Variants in FAM53A observed in about 807,000 individuals in gnomAD.
The protein encoded by FAM53A is family with sequence similarity 53 member A, also known as protein FAM53A.
FAM53A carries 28 observed loss-of-function variants against 26.6 expected under a neutral mutation model. The observed-to-expected ratio is 1.05, with a 90% CI of 0.78 to 1.45. The LOEUF (loss-of-function observed/expected upper bound fraction) is 1.45, where lower values mean the gene tolerates loss of function less well. FAM53A is among the 40% of genes most tolerant of loss of function. The pLI is 0.00. For synonymous variants in FAM53A, 290 were observed against 253.1 expected, an observed-to-expected ratio of 1.15 and a Z score of -1.38; for missense variants, 650 against 575.8, an observed-to-expected ratio of 1.13 and a Z score of -1.32.
chr4:1,624,034 C>T (rs1262067167), intron 1 of FAM53A, among the ~76,000 whole-genome samples: 4 of 152,188 alleles, frequency 2.6e-5, no homozygotes, highest in Admixed American at 1.3e-4. Context: ...TCCCGTCCCA[C>T]ATTTCTGGGC....
downstream of FAM53A, among the ~76,000 whole-genome samples, chr4:1,638,618 A>C (rs1715955769): frequency 6.6e-6 from 1 of 152,206 alleles, no homozygotes; most frequent in African/African-American, 2.4e-5. Context: ...GGAAGGTGGC[A>C]AGTCCAAGGG....
intron 1 of FAM53A, among the ~76,000 whole-genome samples, chr4:1,623,929 G>A (rs917251385): frequency 6.6e-6 from 1 of 152,208 alleles, no homozygotes; most frequent in South Asian, 2.1e-4. Context: ...ACAGCCCCCA[G>A]GCCAGGAGAT....
rs538778135 is a variant in FAM53A, at chr4:1,630,277, C to T, written c.432-12166G>A. On this transcript the variant is annotated intron_variant, in intron 1 of 1. Transcript: ENST00000489029. This position sits in a 1 kb window ranked among gnomAD's most constrained non-coding sequence, Gnocchi z 4.3. Reference sequence around the variant, plus strand: ...GAGACACCCTGTCCTCTGAGCTGCCCGTGACCAGGGGGTCAGAGCCCACCT... The same window carrying T: ...GAGACACCCTGTCCTCTGAGCTGCCTGTGACCAGGGGGTCAGAGCCCACCT... Among the ~76,000 whole-genome samples, 4 of 152,334 alleles carry T rather than the reference C, an allele frequency of 2.6e-5. No homozygotes were observed. The highest frequency in any genetic ancestry group is 9.6e-5 in the African/African-American group (4 of 41,574).
chr4:1,624,508 G>A (rs1028741318), intron 1 of FAM53A, among the ~76,000 whole-genome samples: 8 of 152,318 alleles, frequency 5.3e-5, no homozygotes, highest in Non-Finnish European at 8.8e-5. Context: ...GACGGCAGGG[G>A]TGACTGCGCA....
chr4:1,681,168 C>G (rs1379397358), intron 1 of FAM53A, among the ~76,000 whole-genome samples: 1 of 152,168 alleles, frequency 6.6e-6, no homozygotes, highest in African/African-American at 2.4e-5. Context: ...GCGATCTCAG[C>G]TCACTGCAAC....
At chr4:1,577,183 G>A in the FAM53A span, among the ~76,000 whole-genome samples, 2 of 152,308 alleles carry the variant, frequency 1.3e-5, no homozygotes, top group African/African-American at 4.8e-5. Flanking sequence ...CAGGACATTG[G>A]CCAGGCACAC....
chr4:1,613,923 G>A (rs144068013), downstream of FAM53A, among the ~76,000 whole-genome samples: 54 of 152,350 alleles, frequency 3.5e-4, no homozygotes, highest in East Asian at 9.6e-3. Context: ...AAGAGGGAGA[G>A]GCTGGGATCA....
chr4:1,587,377 C>T, the FAM53A span, among the ~76,000 whole-genome samples: 1 of 152,116 alleles, frequency 6.6e-6, no homozygotes, highest in Non-Finnish European at 1.5e-5. Flanking sequence ...TTTTTAAAAC[C>T]TCTTCCCTTT....
intron 1 of FAM53A, among the ~76,000 whole-genome samples, chr4:1,621,002 G>A (rs896578199): frequency 4.0e-5 from 6 of 151,788 alleles, no homozygotes; most frequent in Non-Finnish European, 8.8e-5. Flanking sequence ...GGTTCAAATG[G>A]CTGCCAGAGC....
chr4:1,653,482 A>G (rs12640301), intron 4 of FAM53A, among the ~76,000 whole-genome samples: 48,232 of 151,952 alleles, frequency 0.32, 7,971 homozygotes, highest in Middle Eastern at 0.51. Flanking sequence ...CTCTGCTCCC[A>G]TCCCTCCTGG....
chr4:1,595,775 C>T, the FAM53A span, among the ~76,000 whole-genome samples: 7 of 152,200 alleles, frequency 4.6e-5, no homozygotes, highest in African/African-American at 1.4e-4. Context: ...GTCCAGGCAC[C>T]AGCTCTGATG....
At chr4:1,678,543 C>T (rs546767243) in intron 1 of FAM53A, among the ~76,000 whole-genome samples, 1 of 152,238 alleles carries the variant, frequency 6.6e-6, no homozygotes, top group Non-Finnish European at 1.5e-5. Flanking sequence ...GACATGAGGC[C>T]GGGTGCGGTG....
At chr4:1,629,416 T>C (rs1289475605) in intron 1 of FAM53A, among the ~76,000 whole-genome samples, 2 of 152,184 alleles carry the variant, frequency 1.3e-5, no homozygotes, top group South Asian at 2.1e-4. Flanking sequence ...AGGACCCCTC[T>C]AGGGTGGCCC....
At chr4:1,660,450 A>T (rs1172529394) in intron 2 of FAM53A, among the ~76,000 whole-genome samples, 1 of 151,814 alleles carries the variant, frequency 6.6e-6, no homozygotes, top group African/African-American at 2.4e-5. Context: ...AAAAGCAGAT[A>T]TGATGGCATG....
rs530756256 is a variant in FAM53A at position 1,634,805 on chromosome 4, C to G, written c.432-16694G>C. On this transcript the variant is annotated intron_variant, in intron 1 of 1. Transcript: ENST00000489029. ...ATCCCAGTTACTCGGGAGGCTGAGG[C>G]AGGGGAACTGCTTGAACCCAGGAGA... Among the ~76,000 whole-genome samples the G allele has an allele frequency of 7.9e-5, 12 of 151,886 alleles. No homozygotes were observed. In the South Asian group the frequency reaches 1.7e-3, roughly 21 times the overall value.
At chr4:1,657,801 T>C (rs1471474601) in intron 2 of FAM53A, among the ~76,000 whole-genome samples, 6 of 137,798 alleles carry the variant, frequency 4.4e-5, no homozygotes, top group African/African-American at 8.1e-5. Context: ...CCACGCCCGG[T>C]TAATTTTTTT....
rs1286660089 is a variant in FAM53A, at chr4:1,630,384, C to T, written c.432-12273G>A. On this transcript the variant is annotated intron_variant, in intron 1 of 1. Coordinates refer to the FAM53A transcript ENST00000489029. The surrounding 1 kb of genome is among the most constrained non-coding windows in gnomAD (Gnocchi z 4.3). Reference sequence around the variant, plus strand: ...GAAACAGCCACAGCCAAGGTCTACACAAATGCACGTCGGGGAGTTCCCATC... The same window carrying T: ...GAAACAGCCACAGCCAAGGTCTACATAAATGCACGTCGGGGAGTTCCCATC... Among the ~76,000 whole-genome samples the T allele has an allele frequency of 6.6e-6, 1 of 152,240 alleles. No homozygotes were observed. The highest frequency in any genetic ancestry group is 1.5e-5 in the Non-Finnish European group (1 of 68,050).
At chr4:1,594,828 G>A in the FAM53A span, among the ~76,000 whole-genome samples, 3 of 152,134 alleles carry the variant, frequency 2.0e-5, no homozygotes, top group Non-Finnish European at 2.9e-5. Context: ...GGGCAACAGA[G>A]CAAGACCCTG....
intron 4 of FAM53A, among the ~76,000 whole-genome samples, chr4:1,650,897 T>C (rs1238113559): frequency 6.6e-6 from 1 of 151,850 alleles, no homozygotes; most frequent in Non-Finnish European, 1.5e-5. Flanking sequence ...GCATCTTCAT[T>C]GCAGAGAATT....
Sources: allele counts gnomAD v4.1 joint callset (sites outside exome capture counted in the v4.1 genomes callset), GRCh38; gene constraint gnomAD v4.1.1; non-coding constraint Gnocchi (gnomAD v3.1); transcripts MANE v1.5; gene names NCBI Gene and HGNC (gene_info 2026-07-23, HGNC 2026-07-21).